The following TOPBP1 variants were observed in gnomAD, a reference collection of about 807,000 sequenced individuals.
TOPBP1 encodes the protein DNA topoisomerase II binding protein 1, also known as DNA topoisomerase 2-binding protein 1.
TOPBP1 carries 28 observed loss-of-function variants against 167.7 expected under a neutral mutation model. That is an observed-to-expected ratio of 0.17 (90% confidence interval 0.12 to 0.23). The LOEUF is 0.23. Ranked by LOEUF, TOPBP1 falls within the 10% of genes least tolerant of loss-of-function variation. The probability of loss-of-function intolerance (pLI) is 1.00; values close to 1 mark genes in which losing one functional copy is unlikely to be tolerated. For synonymous variants in TOPBP1, 598 were observed against 611.4 expected (o/e 0.98, Z 0.32); for missense variants, 1,554 against 1,809.6 (o/e 0.86, Z 2.56).
intron 27 of TOPBP1, among the ~76,000 whole-genome samples, chr3:133,603,842 GAT>G (rs1369982753): frequency 2.6e-5 from 4 of 151,840 alleles, no homozygotes; most frequent in African/African-American, 9.7e-5. Flanking sequence ...TAACCTATTT[GAT>G]ATTTTTAGAA....
At chr3:133,614,595 C>G (rs1354290675) in intron 23 of TOPBP1, among the ~76,000 whole-genome samples, 1 of 152,128 alleles carries the variant, frequency 6.6e-6, no homozygotes, top group Non-Finnish European at 1.5e-5. Context: ...GCTTCCTGCC[C>G]TCTTCTAGAT....
rs911088561 is a variant in TOPBP1, at chr3:133,602,035, A to G, written c.4426-642T>C. Among the ~76,000 whole-genome samples, 4 of 152,218 alleles carry G rather than the reference A, an allele frequency of 2.6e-5. No homozygotes were observed. In the East Asian group the frequency reaches 7.7e-4, roughly 29 times the overall value. On this transcript the variant is annotated intron_variant, in intron 27 of 27. Coordinates refer to ENST00000260810, the MANE Select transcript of TOPBP1 (RefSeq NM_007027.4). ...GGGGCTGGGGACGCAAACACAGTGT[A>G]TGAAGTAAACTGCCTGTTAAACAAC...
At chr3:133,616,028 A>G (rs1934860139) in intron 23 of TOPBP1, among the ~76,000 whole-genome samples, 1 of 152,218 alleles carries the variant, frequency 6.6e-6, no homozygotes, top group Admixed American at 6.5e-5. Flanking sequence ...TGCTGCTTCT[A>G]GAATGATGTC....
At chr3:133,625,195 CT>C (rs1361619498) in intron 16 of TOPBP1, among the ~76,000 whole-genome samples, 2 of 152,192 alleles carry the variant, frequency 1.3e-5, no homozygotes, top group Non-Finnish European at 2.9e-5. Flanking sequence ...GAACTCCTGA[CT>C]TCAAGTGATC....
At chr3:133,658,441 T>C (rs1420345677) in intron 3 of TOPBP1, among the ~76,000 whole-genome samples, 1 of 151,184 alleles carries the variant, frequency 6.6e-6, no homozygotes, top group Non-Finnish European at 1.5e-5. Context: ...CACTCCAGCC[T>C]GGGCGACAGA....
intron 8 of TOPBP1, 49 bp downstream of exon 8, chr3:133,652,414 A>T (rs144093214): frequency 6.3e-7 from 1 of 1,592,760 alleles, no homozygotes; most frequent in African/African-American, 1.3e-5. Context: ...CAGGCTAGGA[A>T]ATGCTAATGT....
intron 8 of TOPBP1, among the ~76,000 whole-genome samples, chr3:133,650,369 G>GA (rs1331524056): frequency 9.2e-6 from 1 of 108,270 alleles, no homozygotes; most frequent in African/African-American, 3.4e-5. Context: ...GTGTGTGGGG[G>GA]GCGGGGGGAG....
rs1934921062 is a variant in TOPBP1 at position 133,617,151 on chromosome 3, T to A, written c.3759+9A>T. On this transcript the variant is annotated intron_variant, in intron 22 of 27. Coordinates refer to ENST00000260810, the MANE Select transcript of TOPBP1 (RefSeq NM_007027.4). ...AAAAGCTGTATCACCATATTAAGGATCAACAAACCTTTTCTCTAGGGTGCG... is the reference window on the plus strand; with the variant it reads ...AAAAGCTGTATCACCATATTAAGGAACAACAAACCTTTTCTCTAGGGTGCG... The A allele has an allele frequency of 1.4e-5, 23 of 1,597,714 alleles. No homozygotes were observed. Among genetic ancestry groups the A allele is most frequent in the Non-Finnish European group, 2.0e-5 (23 of 1,174,630 alleles).
At chr3:133,612,348 C>T (rs1559807674) in intron 24 of TOPBP1, 41 bp downstream of exon 24, 1 of 1,607,824 alleles carries the variant, frequency 6.2e-7, no homozygotes, top group Non-Finnish European at 8.5e-7. Flanking sequence ...TGGACACTTG[C>T]TTTTAAAGAA....
intron 16 of TOPBP1, 132 bp downstream of exon 16, chr3:133,628,230 C>G: frequency 2.5e-6 from 2 of 805,654 alleles, no homozygotes; most frequent in South Asian, 3.7e-5. Context: ...AATTAAAAAT[C>G]AACTGGAGAG....
At chr3:133,609,149 C>A (rs1934594151) in intron 25 of TOPBP1, among the ~76,000 whole-genome samples, 187 bp from the exon 26 acceptor site, 1 of 152,098 alleles carries the variant, frequency 6.6e-6, no homozygotes, top group African/African-American at 2.4e-5. Context: ...CATAGTAGGC[C>A]ATCAAGAAAT....
At chr3:133,647,954 A>G (rs1351720268) in intron 10 of TOPBP1, among the ~76,000 whole-genome samples, 1 of 152,162 alleles carries the variant, frequency 6.6e-6, no homozygotes, top group East Asian at 1.9e-4. Flanking sequence ...ATTCAAAGAG[A>G]TAATAAACAT....
intron 16 of TOPBP1, among the ~76,000 whole-genome samples, chr3:133,627,092 C>G (rs1186261647): frequency 6.6e-6 from 1 of 152,184 alleles, no homozygotes; most frequent in African/African-American, 2.4e-5. Flanking sequence ...TATTATAAGG[C>G]TCTTCCCTTT....
intron 23 of TOPBP1, among the ~76,000 whole-genome samples, chr3:133,614,597 C>G (rs756849755): frequency 1.3e-5 from 2 of 152,126 alleles, no homozygotes; most frequent in African/African-American, 4.8e-5. Flanking sequence ...TTCCTGCCCT[C>G]TTCTAGATCA....
chr3:133,617,356 AG>A, intron 21 of TOPBP1, 30 bp from the exon 22 acceptor site: 3 of 1,562,810 alleles, frequency 1.9e-6, no homozygotes, highest in Non-Finnish European at 2.6e-6. Context: ...GCAGTGTGAC[AG>A]GATCCAAATA....
At chr3:133,629,313 C>T (rs1382073790) in intron 14 of TOPBP1, among the ~76,000 whole-genome samples, 1 of 152,204 alleles carries the variant, frequency 6.6e-6, no homozygotes, top group Non-Finnish European at 1.5e-5. Context: ...TGTATTTAAC[C>T]TGTGTACAAC....
chr3:133,651,032 T>C (rs932264468), intron 8 of TOPBP1, among the ~76,000 whole-genome samples: 1 of 151,366 alleles, frequency 6.6e-6, no homozygotes, highest in East Asian at 2.0e-4. Context: ...AAGAGGAAGA[T>C]GTTGCAGTGA....
chr3:133,632,260 C>G (rs1935510913), intron 14 of TOPBP1, among the ~76,000 whole-genome samples: 1 of 151,594 alleles, frequency 6.6e-6, no homozygotes, highest in Non-Finnish European at 1.5e-5. Context: ...CAAAAATTAG[C>G]CGGGTGTGGG....
chr3:133,605,204 A>G (rs1367643595), intron 27 of TOPBP1, among the ~76,000 whole-genome samples: 1 of 151,698 alleles, frequency 6.6e-6, no homozygotes, highest in Non-Finnish European at 1.5e-5. Context: ...GTCTCAAAAA[A>G]AAAAAAAAGA....
Sources: gnomAD v4.1 joint callset for allele counts (sites outside exome capture counted in the v4.1 genomes callset) on GRCh38, gnomAD v4.1.1 for gene constraint, MANE v1.5 for transcripts, NCBI Gene and HGNC (gene_info 2026-07-23, HGNC 2026-07-21) for gene names.